Variants in ADAM22 observed in about 807,000 individuals in gnomAD.
ADAM22 encodes disintegrin and metalloproteinase domain-containing protein 22.
A neutral mutation model predicts 144.6 loss-of-function variants in ADAM22; 65 were observed. The observed-to-expected ratio is 0.45, with a 90% CI of 0.37 to 0.55. The LOEUF is 0.55. Ranked by LOEUF, ADAM22 falls within the 20% of genes least tolerant of loss-of-function variation. ADAM22 has a pLI of 0.00. For missense variants in ADAM22, 974 were observed against 1,184.9 expected (o/e 0.82, Z 2.61); for synonymous variants, 391 against 412.6 (o/e 0.95, Z 0.63).
chr7:88,037,242 A>T (rs888000121), intron 3 of ADAM22, among the ~76,000 whole-genome samples: 2 of 152,108 alleles, frequency 1.3e-5, no homozygotes, highest in African/African-American at 4.8e-5. Flanking sequence ...TGGATTTGAG[A>T]TGTTTTTGAC....
intron 25 of ADAM22, among the ~76,000 whole-genome samples, chr7:88,170,048 T>C (rs1201107500): frequency 6.6e-6 from 1 of 152,098 alleles, no homozygotes; most frequent in Non-Finnish European, 1.5e-5. Flanking sequence ...TCACTTTTTT[T>C]CTGCAGGTGA....
At chr7:88,022,825 T>G (rs1798131274) in intron 3 of ADAM22, among the ~76,000 whole-genome samples, 1 of 152,198 alleles carries the variant, frequency 6.6e-6, no homozygotes, top group African/African-American at 2.4e-5. Context: ...AACTATAACT[T>G]TATATTAACC....
At chr7:87,996,086 G>A (rs1302140420) in intron 3 of ADAM22, among the ~76,000 whole-genome samples, 1 of 152,102 alleles carries the variant, frequency 6.6e-6, no homozygotes, top group East Asian at 1.9e-4. Flanking sequence ...TGCAGTAATA[G>A]GGACACGGCC....
chr7:88,075,507 AG>A, intron 3 of ADAM22, 118 bp from the exon 4 acceptor site: 3 of 761,860 alleles, frequency 3.9e-6, no homozygotes, highest in Non-Finnish European at 7.0e-6. Flanking sequence ...AGACCTATAA[AG>A]TGTTGATTTG....
chr7:88,058,638 T>G (rs1808930980), intron 3 of ADAM22, among the ~76,000 whole-genome samples: 1 of 152,238 alleles, frequency 6.6e-6, no homozygotes, highest in Non-Finnish European at 1.5e-5. Flanking sequence ...GTACTTGCTT[T>G]CCTGATGATC....
At chr7:88,137,694 G>A (rs145259268) in intron 14 of ADAM22, among the ~76,000 whole-genome samples, 1 of 151,988 alleles carries the variant, frequency 6.6e-6, no homozygotes, top group African/African-American at 2.4e-5. Context: ...ATTTTTGAGG[G>A]ATTACTTATT....
chr7:88,061,107 A>G (rs1397580530), intron 3 of ADAM22, among the ~76,000 whole-genome samples: 30 of 152,152 alleles, frequency 2.0e-4, no homozygotes, highest in Admixed American at 2.0e-3. Flanking sequence ...CTGTCTCAAA[A>G]AAAAAAAGAG....
intron 22 of ADAM22, among the ~76,000 whole-genome samples, chr7:88,160,305 A>G (rs571049551): frequency 2.0e-5 from 3 of 152,294 alleles, no homozygotes; most frequent in African/African-American, 4.8e-5. Flanking sequence ...AGAAGAATAA[A>G]TATTATTCAA....
At chr7:88,027,096 A>T (rs1231723383) in intron 3 of ADAM22, among the ~76,000 whole-genome samples, 1 of 152,200 alleles carries the variant, frequency 6.6e-6, no homozygotes, top group Non-Finnish European at 1.5e-5. Context: ...GGTTGTGATG[A>T]ATGACCTTTT....
At chr7:88,039,464 A>AAAAAAAAAAAAAAATATAT in intron 3 of ADAM22, among the ~76,000 whole-genome samples, 2 of 76,378 alleles carry the variant, frequency 2.6e-5, no homozygotes, top group Admixed American at 1.5e-4. Context: ...AAAAAAAAAA[A>AAAAAAAAAAAAAAATATAT]ATATATATAT....
chr7:88,017,651 C>G (rs1796842589), intron 3 of ADAM22, among the ~76,000 whole-genome samples: 1 of 152,176 alleles, frequency 6.6e-6, no homozygotes, highest in Admixed American at 6.5e-5. Flanking sequence ...AGTATGTACT[C>G]AGAAGTTTTA....
chr7:88,193,103 C>A lies in ADAM22; in HGVS notation c.2751-13C>A, dbSNP rs892208922. On this transcript the variant is annotated splice_polypyrimidine_tract_variant and intron_variant, in intron 30 of 31. Transcript: ENST00000413139. Reference sequence around the variant, plus strand: ...AATCACATGATACTTAATTCATGTTCTCAACATCTCAGGACTTTATCTCCT... The same window carrying A: ...AATCACATGATACTTAATTCATGTTATCAACATCTCAGGACTTTATCTCCT... 6.2e-7 allele frequency: 1 copy of A among 1,613,622 alleles called. No individual in the cohort carries two copies. The highest frequency in any genetic ancestry group is 8.5e-7 in the Non-Finnish European group (1 of 1,179,740).
chr7:88,080,311 A>G (rs1183179719), intron 4 of ADAM22, among the ~76,000 whole-genome samples: 1 of 152,236 alleles, frequency 6.6e-6, no homozygotes, highest in Non-Finnish European at 1.5e-5. Context: ...GAACAAAGAT[A>G]CAACATACCA....
rs753569080 is a variant in ADAM22, at chr7:88,125,682, C to T, written c.678+23C>T. On this transcript the variant is annotated intron_variant, in intron 8 of 31. Transcript: ENST00000413139. ...CAGGTATGTATTCACAGTGGTGTGTCGTGTTATTTTAAAACAATTGTCAAC... is the reference window on the plus strand; with the variant it reads ...CAGGTATGTATTCACAGTGGTGTGTTGTGTTATTTTAAAACAATTGTCAAC... 1.5e-5 allele frequency: 23 copies of T among 1,537,066 alleles called. No individual in the cohort carries two copies. In the East Asian group the frequency reaches 2.2e-4, roughly 15 times the overall value.
At chr7:88,075,795 G>T in intron 4 of ADAM22, 103 bp downstream of exon 4, 1 of 920,082 alleles carries the variant, frequency 1.1e-6, no homozygotes. Context: ...ACAGTTTTGA[G>T]GGTTTTAAAA....
At chr7:88,053,752 A>G (rs1807348990) in intron 3 of ADAM22, among the ~76,000 whole-genome samples, 1 of 152,232 alleles carries the variant, frequency 6.6e-6, no homozygotes, top group African/African-American at 2.4e-5. Flanking sequence ...TACATAGTAT[A>G]TACCATTTGA....
At chr7:88,181,831 A>G in intron 28 of ADAM22, 127 bp from the exon 29 acceptor site, 1 of 896,568 alleles carries the variant, frequency 1.1e-6, no homozygotes, top group South Asian at 1.6e-5. Flanking sequence ...AAAGCTGTAC[A>G]GTGTGACAAA....
chr7:88,082,524 A>G (rs1817040008), intron 4 of ADAM22, among the ~76,000 whole-genome samples: 1 of 152,218 alleles, frequency 6.6e-6, no homozygotes, highest in South Asian at 2.1e-4. Flanking sequence ...GCACAGCAAA[A>G]GAAACCACCA....
At chr7:88,083,587 TTGTGTGTG>T (rs35145003) in intron 4 of ADAM22, among the ~76,000 whole-genome samples, 2,855 of 126,706 alleles carry the variant, frequency 0.023, 44 homozygotes, top group East Asian at 0.064. Flanking sequence ...TACTTTGTGT[TTGTGTGTG>T]TGTGTGTGTG....
Sources: allele counts gnomAD v4.1 joint callset (sites outside exome capture counted in the v4.1 genomes callset), GRCh38; gene constraint gnomAD v4.1.1; transcripts MANE v1.5; gene names NCBI Gene and HGNC (gene_info 2026-07-23, HGNC 2026-07-21).